RUFY4: variants seen among roughly 807,000 people sequenced by gnomAD.
RUFY4 encodes the protein RUN and FYVE domain-containing protein 4.
In RUFY4, 73 loss-of-function variants were observed where a neutral mutation model predicts 69.0. The ratio of observed to expected loss-of-function variants is 1.06; its 90% confidence interval spans 0.88 to 1.29. The LOEUF is 1.29. Ranked by LOEUF, RUFY4 falls within the 50% of genes most tolerant of loss-of-function variation. The probability of loss-of-function intolerance (pLI) is 0.00; values close to 1 mark genes in which losing one functional copy is unlikely to be tolerated. For missense variants in RUFY4, 770 were observed against 705.6 expected (o/e 1.09, Z -1.03); for synonymous variants, 287 against 271.8 (o/e 1.06, Z -0.55).
At chr2:218,082,884 G>C (rs1185931386) in intron 8 of RUFY4, among the ~76,000 whole-genome samples, 2 of 8,524 alleles carry the variant, frequency 2.3e-4, no homozygotes, top group African/African-American at 9.0e-4. Flanking sequence ...TGTGTCTTCT[G>C]TGTTGTGCGT....
chr2:218,062,919 A>C (rs948797911), intron 3 of RUFY4, among the ~76,000 whole-genome samples: 1 of 152,110 alleles, frequency 6.6e-6, no homozygotes, highest in African/African-American at 2.4e-5. Context: ...CAGGGGCTGC[A>C]CTACCCTTGC....
At chr2:218,080,707 A>G (rs1336707813) in intron 8 of RUFY4, among the ~76,000 whole-genome samples, 1 of 152,214 alleles carries the variant, frequency 6.6e-6, no homozygotes, top group Non-Finnish European at 1.5e-5. Context: ...CAGCCCCTGC[A>G]CAGCAGCACT....
exon 7 of RUFY4, chr2:218,075,250 G>A (rs763157969): frequency 6.3e-7 from 1 of 1,575,658 alleles, no homozygotes. Context: ...GAAAAGAAGG[G>A]GGAAAGTTCC....
intron 5 of RUFY4, among the ~76,000 whole-genome samples, 166 bp downstream of exon 7, chr2:218,073,552 T>G (rs932865804): frequency 2.0e-5 from 3 of 152,166 alleles, no homozygotes; most frequent in Non-Finnish European, 4.4e-5. Flanking sequence ...CAGTGCAAAT[T>G]CATGGCATAA....
chr2:218,036,340 A>G (rs1958977754), intron 2 of RUFY4, among the ~76,000 whole-genome samples: 1 of 152,108 alleles, frequency 6.6e-6, no homozygotes, highest in Non-Finnish European at 1.5e-5. Context: ...TCCTTTGTGT[A>G]AGGAGAGAGT....
chr2:218,043,384 G>A (rs1371768837), intron 2 of RUFY4, among the ~76,000 whole-genome samples: 1 of 152,148 alleles, frequency 6.6e-6, no homozygotes, highest in Non-Finnish European at 1.5e-5. Flanking sequence ...CCCTGGAGAA[G>A]GTAGCTCCTT....
exon 7 of RUFY4, chr2:218,075,501 G>T (rs1481708590): frequency 6.3e-7 from 1 of 1,581,688 alleles, no homozygotes. Flanking sequence ...CAAAAAGGAA[G>T]CAGAGTGGAG....
At chr2:218,074,992 A>G (rs1689588270) in intron 6 of RUFY4, 101 bp from the exon 9 acceptor site, 4 of 1,284,600 alleles carry the variant, frequency 3.1e-6, no homozygotes, top group Middle Eastern at 2.8e-4. Flanking sequence ...GTACCTATCT[A>G]TTTAGCAAGC....
chr2:218,079,543 G>T (rs1006575110), intron 8 of RUFY4, among the ~76,000 whole-genome samples: 2 of 152,100 alleles, frequency 1.3e-5, no homozygotes, highest in East Asian at 3.9e-4. Flanking sequence ...GACGGGAGCC[G>T]CTGGGCAAGC....
chr2:218,058,669 T>C (rs1296636578), exon 3 of RUFY4: 2 of 152,172 alleles, frequency 1.3e-5, no homozygotes, highest in African/African-American at 4.8e-5. Context: ...TCATTCTGCT[T>C]CAGCTCAGGA....
In RUFY4 at chr2:218,083,097, C is replaced by T. The variant is rs755761274; in HGVS notation, c.1356-13C>T. 6.2e-7 allele frequency: 1 copy of T among 1,612,264 alleles called. No homozygotes were observed. Among genetic ancestry groups the T allele is most frequent in the East Asian group, 2.2e-5 (1 of 44,850 alleles). On this transcript the variant is annotated splice_polypyrimidine_tract_variant and intron_variant, in intron 8 of 10. Coordinates refer to ENST00000344321, the Ensembl canonical transcript of RUFY4. ...TTTGCCCCCTGAGAACCTAGTCTTC[C>T]TTCTGTACCCAGGTGTCAGGAAGAG...
At chr2:218,037,319 C>A (rs1279657196) in intron 2 of RUFY4, among the ~76,000 whole-genome samples, 8 of 145,224 alleles carry the variant, frequency 5.5e-5, no homozygotes, top group African/African-American at 1.3e-4. Context: ...AACTCAGTCT[C>A]AAAAAAAAAA....
rs78339640 is a variant in RUFY4, at chr2:218,077,496, A to T, written c.1355+963A>T. The stretch of plus-strand genomic sequence containing the variant: ...TAGGGTTGCAGGCATGAGCCACCAC[A>T]CCCAGCCCATAATTTATTTTTTAAA... On this transcript the variant is annotated intron_variant, in intron 8 of 10. Coordinates refer to ENST00000344321, the Ensembl canonical transcript of RUFY4. 2.0e-4 allele frequency among the ~76,000 whole-genome samples: 31 copies of T among 151,894 alleles called. No homozygotes were observed. In the East Asian group the frequency reaches 4.1e-3, roughly 20 times the overall value.
At chr2:218,045,865 C>G (rs1688814648) in intron 2 of RUFY4, among the ~76,000 whole-genome samples, 1 of 151,008 alleles carries the variant, frequency 6.6e-6, no homozygotes, top group African/African-American at 2.4e-5. Flanking sequence ...AGTGCAGTGG[C>G]GCAATCTCGG....
exon 7 of RUFY4, chr2:218,075,150 C>A: frequency 6.4e-7 from 1 of 1,554,512 alleles, no homozygotes; most frequent in South Asian, 1.2e-5. Flanking sequence ...ACACACCAGT[C>A]AAGCCATCTG....
At chr2:218,072,932 T>C in intron 4 of RUFY4, 47 bp downstream of exon 6, 2 of 1,422,948 alleles carry the variant, frequency 1.4e-6, no homozygotes, top group African/African-American at 2.9e-5. Flanking sequence ...TGAGCCACTT[T>C]CCCTCCTTTG....
At chr2:218,062,647 G>A (rs768279068) in intron 3 of RUFY4, among the ~76,000 whole-genome samples, 1 of 151,970 alleles carries the variant, frequency 6.6e-6, no homozygotes, top group African/African-American at 2.4e-5. Flanking sequence ...GGAGGCAGGG[G>A]TTGCAGTGAG....
chr2:218,066,760 A>G (rs967116618), upstream of RUFY4, among the ~76,000 whole-genome samples: 2 of 152,216 alleles, frequency 1.3e-5, no homozygotes, highest in African/African-American at 4.8e-5. Flanking sequence ...AAATGTCACC[A>G]TATTCTGAAA....
intron 2 of RUFY4, among the ~76,000 whole-genome samples, chr2:218,037,573 G>C (rs1409000292): frequency 6.6e-6 from 1 of 152,192 alleles, no homozygotes; most frequent in African/African-American, 2.4e-5. Flanking sequence ...TGCTTTGTTG[G>C]AACTTTTGAT....
Sources: allele counts gnomAD v4.1 joint callset (sites outside exome capture counted in the v4.1 genomes callset), GRCh38; gene constraint gnomAD v4.1.1; transcripts MANE v1.5; gene names NCBI Gene and HGNC (gene_info 2026-07-23, HGNC 2026-07-21).